Variants in ARMC2 observed in about 807,000 individuals in gnomAD.
The protein encoded by ARMC2 is armadillo repeat containing 2, also known as armadillo repeat-containing protein 2.
Under a neutral mutation model 90.3 loss-of-function variants are expected in ARMC2, and 67 were observed. The observed-to-expected ratio is 0.74, with a 90% confidence interval of 0.61 to 0.91. ARMC2 has a LOEUF of 0.91. ARMC2 is among the 40% of genes least tolerant of loss of function. ARMC2 has a pLI of 0.00. For synonymous variants in ARMC2, 393 were observed against 393.0 expected, an observed-to-expected ratio of 1.00 and a Z score of 0.00; for missense variants, 920 against 1,030.9, an observed-to-expected ratio of 0.89 and a Z score of 1.47.
chr6:108,969,142 G>A (rs564018151), intron 17 of ARMC2, among the ~76,000 whole-genome samples: 7 of 152,310 alleles, frequency 4.6e-5, no homozygotes, highest in Non-Finnish European at 1.0e-4. Flanking sequence ...TGGGCACTTA[G>A]GTTTTGTGAC....
intron 13 of ARMC2, among the ~76,000 whole-genome samples, chr6:108,954,924 G>A (rs1043308021): frequency 2.0e-5 from 3 of 152,204 alleles, no homozygotes; most frequent in African/African-American, 4.8e-5. Flanking sequence ...GTCTGAGACC[G>A]AGATGCCGGC....
chr6:109,047,682 A>G, the ARMC2 span, among the ~76,000 whole-genome samples: 2 of 147,056 alleles, frequency 1.4e-5, no homozygotes, highest in East Asian at 4.0e-4. Flanking sequence ...AGATTGAGAA[A>G]TCGGATGGTT....
At chr6:108,993,026 C>CTTACAAT in the ARMC2 span, 1 of 615,620 alleles carries the variant, frequency 1.6e-6, no homozygotes, top group African/African-American at 1.9e-5. Context: ...CCAAAGTAGT[C>CTTACAAT]TTACAATTAT....
chr6:109,012,190 C>T, the ARMC2 span, among the ~76,000 whole-genome samples: 2 of 151,644 alleles, frequency 1.3e-5, no homozygotes, highest in Non-Finnish European at 2.9e-5. Flanking sequence ...GTTGTCAGTA[C>T]AGGCCAGAGC....
intron 13 of ARMC2, among the ~76,000 whole-genome samples, chr6:108,958,486 C>T (rs1449996074): frequency 3.3e-5 from 5 of 152,198 alleles, no homozygotes; most frequent in Non-Finnish European, 7.3e-5. Flanking sequence ...AGATACCAGA[C>T]ACCATTCCTG....
chr6:109,049,571 G>A, the ARMC2 span, among the ~76,000 whole-genome samples: 1 of 151,796 alleles, frequency 6.6e-6, no homozygotes, highest in Non-Finnish European at 1.5e-5. Context: ...TTTAGATGAC[G>A]GATTTGCTAA....
chr6:108,952,814 C>T (rs1731176834), intron 12 of ARMC2, among the ~76,000 whole-genome samples: 1 of 152,222 alleles, frequency 6.6e-6, no homozygotes, highest in Non-Finnish European at 1.5e-5. Context: ...TTGCTGATCA[C>T]ATCAATCAGT....
chr6:108,989,115 A>T, the ARMC2 span, among the ~76,000 whole-genome samples: 4 of 151,906 alleles, frequency 2.6e-5, no homozygotes, highest in Non-Finnish European at 5.9e-5. Context: ...CGATTCTCTC[A>T]CCTCAGCCTC....
At chr6:109,034,769 T>C in the ARMC2 span, among the ~76,000 whole-genome samples, 2 of 152,346 alleles carry the variant, frequency 1.3e-5, no homozygotes, top group East Asian at 3.9e-4. Flanking sequence ...GTGGATGTGA[T>C]GGCCAGAGCT....
At chr6:108,952,939 T>C (rs1583202087) in intron 12 of ARMC2, 94 bp from the exon 13 acceptor site, 1 of 1,188,400 alleles carries the variant, frequency 8.4e-7, no homozygotes, top group African/African-American at 1.5e-5. Context: ...ATTTTACTAT[T>C]AATGCAATTG....
chr6:108,891,851 G>A (rs944786969), intron 5 of ARMC2, among the ~76,000 whole-genome samples: 9 of 152,198 alleles, frequency 5.9e-5, no homozygotes, highest in Non-Finnish European at 1.0e-4. Flanking sequence ...TATTGCCTAG[G>A]TTTTCTTCTA....
intron 7 of ARMC2, among the ~76,000 whole-genome samples, chr6:108,900,798 C>T (rs1375467923): frequency 6.6e-6 from 1 of 152,156 alleles, no homozygotes; most frequent in Admixed American, 6.5e-5. Context: ...CAATAGTGTT[C>T]TCACCTGCCA....
At chr6:109,008,749 C>A in the ARMC2 span, 8 of 982,360 alleles carry the variant, frequency 8.1e-6, no homozygotes, top group Non-Finnish European at 9.7e-6. Context: ...CAATTAAGTA[C>A]CTCTTTCTAA....
the ARMC2 span, chr6:109,002,246 C>CAGTT: frequency 6.3e-7 from 1 of 1,586,976 alleles, no homozygotes; most frequent in East Asian, 2.2e-5. Flanking sequence ...TAAAAGCATA[C>CAGTT]AGTTCACTAT....
chr6:108,911,975 G>A (rs1773482830), intron 9 of ARMC2, among the ~76,000 whole-genome samples: 1 of 152,010 alleles, frequency 6.6e-6, no homozygotes, highest in South Asian at 2.1e-4. Flanking sequence ...TTAAAGGCTT[G>A]TTGAAGTTTA....
intron 7 of ARMC2, among the ~76,000 whole-genome samples, chr6:108,903,719 A>G (rs1275877462): frequency 6.6e-6 from 1 of 152,194 alleles, no homozygotes; most frequent in Admixed American, 6.5e-5. Context: ...AAGTAACCTA[A>G]GGTAATGTTT....
intron 10 of ARMC2, among the ~76,000 whole-genome samples, chr6:108,917,380 G>A (rs915644694): frequency 3.9e-5 from 6 of 151,944 alleles, no homozygotes; most frequent in East Asian, 3.9e-4. Context: ...GAAGTCTCTC[G>A]GGAAGGTCGG....
chr6:109,042,540 A>C, the ARMC2 span, among the ~76,000 whole-genome samples: 1 of 151,668 alleles, frequency 6.6e-6, no homozygotes, highest in Non-Finnish European at 1.5e-5. Context: ...CGAAAAAAAA[A>C]AAACAAACCT....
intron 16 of ARMC2, 116 bp downstream of exon 16, chr6:108,964,428 C>A: frequency 1.6e-6 from 2 of 1,234,152 alleles, no homozygotes; most frequent in Non-Finnish European, 2.2e-6. Flanking sequence ...CATTGGGAAG[C>A]CCCTAAGCTG....
Sources: allele counts gnomAD v4.1 joint callset (sites outside exome capture counted in the v4.1 genomes callset), GRCh38; gene constraint gnomAD v4.1.1; transcripts MANE v1.5; gene names NCBI Gene and HGNC (gene_info 2026-07-23, HGNC 2026-07-21).